Variants in SEC61A2 observed in about 807,000 individuals in gnomAD.
The protein encoded by SEC61A2 is SEC61 translocon subunit alpha 2.
Under a neutral mutation model 59.9 loss-of-function variants are expected in SEC61A2, and 28 were observed. That is an observed-to-expected ratio of 0.47 (90% CI 0.35 to 0.64). The LOEUF is 0.64. Ranked by LOEUF, SEC61A2 falls within the 30% of genes least tolerant of loss-of-function variation. The pLI, the probability that SEC61A2 is intolerant of heterozygous loss-of-function variation, is 0.01. For missense variants in SEC61A2, 340 were observed against 585.9 expected (o/e 0.58, Z 4.33); for synonymous variants, 202 against 214.4 (o/e 0.94, Z 0.50).
chr10:12,144,364 TAAGATGTCCTG>T lies in SEC61A2; in HGVS notation c.220+1170_220+1180del, dbSNP rs1310729013. Among the ~76,000 whole-genome samples, 61 of 152,318 alleles carry T rather than the reference TAAGATGTCCTG, an allele frequency of 4.0e-4. 1 individual carries two copies. The highest frequency in any genetic ancestry group is 1.2e-3 in the African/African-American group (51 of 41,570). ...CTATATACTTCTTATAACTGAAAAG[TAAGATGTCCTG>T]TATATACTATTCTGCTACTTTGTTT... On this transcript the variant is annotated intron_variant, in intron 4 of 11. Coordinates refer to ENST00000298428, the MANE Select transcript of SEC61A2 (RefSeq NM_018144.4).
chr10:12,133,555 C>T (rs927768179), intron 2 of SEC61A2, among the ~76,000 whole-genome samples: 5 of 152,190 alleles, frequency 3.3e-5, no homozygotes, highest in African/African-American at 7.2e-5. Context: ...AGTGTTTCTT[C>T]GGCCTATGTG....
intron 2 of SEC61A2, among the ~76,000 whole-genome samples, chr10:12,134,329 A>G (rs1044754039): frequency 6.1e-5 from 9 of 148,186 alleles, no homozygotes; most frequent in African/African-American, 2.2e-4. Context: ...TTGCTTTGAG[A>G]TTGTAAAAAT....
chr10:12,168,804 C>T (rs1302787728), downstream of SEC61A2, among the ~76,000 whole-genome samples: 1 of 152,040 alleles, frequency 6.6e-6, no homozygotes, highest in Non-Finnish European at 1.5e-5. This position sits in a 1 kb window ranked among gnomAD's most constrained non-coding sequence, Gnocchi z 4.8. Context: ...CACTTTGTCG[C>T]CAGGCTGCAG....
At chr10:12,168,128 G>A (rs1253206202), downstream of SEC61A2, among the ~76,000 whole-genome samples, 5 of 151,924 alleles carry the variant, frequency 3.3e-5, no homozygotes, top group South Asian at 2.1e-4. This position sits in a 1 kb window ranked among gnomAD's most constrained non-coding sequence, Gnocchi z 4.8. Flanking sequence ...GGGTTTAAGC[G>A]ATTCTCCTGC....
At position 12,153,779 on chromosome 10, in the gene SEC61A2, A is replaced by C; in HGVS notation, c.463-1999A>C. 1.2e-6 allele frequency: 2 copies of C among 1,610,660 alleles called. No individual in the cohort carries two copies. The highest frequency in any genetic ancestry group is 1.7e-6 in the Non-Finnish European group (2 of 1,179,180). ...AAATATGTGGATACACTGAAGAGCT[A>C]TGATTGGATCAGTGTGTTTCACCCA... On this transcript the variant is annotated intron_variant, in intron 6 of 11. Transcript: ENST00000298428. This position sits in a 1 kb window ranked among gnomAD's most constrained non-coding sequence, Gnocchi z 5.2.
chr10:12,131,167 C>T (rs1833726290), intron 1 of SEC61A2, among the ~76,000 whole-genome samples: 1 of 152,156 alleles, frequency 6.6e-6, no homozygotes, highest in Non-Finnish European at 1.5e-5. Flanking sequence ...AGCGAAACTC[C>T]GTCTCGAAAT....
At position 12,157,894 on chromosome 10, in the gene SEC61A2, G is replaced by A. The variant is rs77831225; in HGVS notation, c.778-14G>A. ...TGTCTGGCTCCCCCACTTACTCTCC[G>A]TTTCCTTTTTTAGGGATTTCGCGTT... On this transcript the variant is annotated splice_polypyrimidine_tract_variant and intron_variant, in intron 8 of 11. Coordinates refer to ENST00000298428, the MANE Select transcript of SEC61A2 (RefSeq NM_018144.4). 0.028 allele frequency: 45,961 copies of A among 1,613,044 alleles called. 879 individuals are homozygous for A. Among genetic ancestry groups the A allele is most frequent in the Middle Eastern group, 0.031 (190 of 6,060 alleles).
chr10:12,131,605 C>T (rs12569964), intron 1 of SEC61A2, among the ~76,000 whole-genome samples: 60,260 of 149,624 alleles, frequency 0.4, 13,149 homozygotes, highest in South Asian at 0.55. Flanking sequence ...TTTACACAAG[C>T]AAGTACTTTT....
In SEC61A2 at chr10:12,149,791, C is replaced by G; in HGVS notation, c.353-61C>G. The G allele has an allele frequency of 6.2e-7, 1 of 1,606,688 alleles. No individual in the cohort carries two copies. The highest frequency in any genetic ancestry group is 1.1e-5 in the South Asian group (1 of 90,390). ...AGAGTGCTCGTGGTAAAGATGTTTT[C>G]TCTAGTCTTTTCTTGTCTTTGGTGG... On this transcript the variant is annotated intron_variant, in intron 5 of 11. Coordinates refer to ENST00000298428, the MANE Select transcript of SEC61A2 (RefSeq NM_018144.4). This position sits in a 1 kb window ranked among gnomAD's most constrained non-coding sequence, Gnocchi z 5.2.
At position 12,149,518 on chromosome 10, in the gene SEC61A2, T is replaced by C; in HGVS notation, c.221-77T>C. On this transcript the variant is annotated intron_variant, in intron 4 of 11. Coordinates refer to ENST00000298428, the MANE Select transcript of SEC61A2 (RefSeq NM_018144.4). The surrounding 1 kb of genome is among the most constrained non-coding windows in gnomAD (Gnocchi z 5.2). ...TCACGTGTGTTTCAGTTGAGGTAAT[T>C]AGGGAGTGCGACACCTCTAAATCAG... 7.3e-7 allele frequency: 1 copy of C among 1,376,038 alleles called. No individual in the cohort carries two copies. Among genetic ancestry groups the C allele is most frequent in the Non-Finnish European group, 9.8e-7 (1 of 1,015,778 alleles). The allele number at this position is 1,376,038 out of a possible 1,614,324, so 85.2% of individuals were successfully genotyped here.
At chr10:12,168,027 ATTT>A, downstream of SEC61A2, 91 of 615,352 alleles carry the variant, frequency 1.5e-4, no homozygotes, top group South Asian at 2.8e-4. This position sits in a 1 kb window ranked among gnomAD's most constrained non-coding sequence, Gnocchi z 4.8. Context: ...AGGGATAATG[ATTT>A]TTTTTTTTTT....
chr10:12,164,077 CTT>C lies in SEC61A2; in HGVS notation c.1245-189_1245-188del, dbSNP rs971812753. Among the ~76,000 whole-genome samples the C allele has an allele frequency of 1.3e-5, 2 of 152,212 alleles. No homozygotes were observed. The highest frequency in any genetic ancestry group is 2.9e-5 in the Non-Finnish European group (2 of 68,032). ...GGTTCCTGGAAATTAGGGTCAGAGT[CTT>C]TGCCTGGATCAGAGCTCCTGTTCCC... On this transcript the variant is annotated intron_variant, in intron 11 of 11. Coordinates refer to ENST00000298428, the MANE Select transcript of SEC61A2 (RefSeq NM_018144.4). The surrounding 1 kb of genome is among the most constrained non-coding windows in gnomAD (Gnocchi z 7.3).
At position 12,164,310 on chromosome 10, in the gene SEC61A2, C is replaced by T. The variant is rs1427958948; in HGVS notation, c.1287C>T (p.Gly429=). 1.6e-5 allele frequency: 26 copies of T among 1,613,778 alleles called. No individual in the cohort carries two copies. The highest frequency in any genetic ancestry group is 2.0e-5 in the Non-Finnish European group (24 of 1,180,016). The change falls in exon 12 of 12, where the codon GGC becomes GGT. Residue 429 remains glycine, a synonymous_variant. Coordinates refer to ENST00000298428, the MANE Select transcript of SEC61A2 (RefSeq NM_018144.4). The surrounding 1 kb of genome is among the most constrained non-coding windows in gnomAD (Gnocchi z 7.3). The stretch of plus-strand genomic sequence containing the variant: ...CTGCGTTTGGCGGTTTGTGCATTGG[C>T]GCCCTGTCAGTGCTGGCTGACTTCC... ...TAAAFGGLCI[G]ALSVLADFLG...
At chr10:12,133,385 C>G (rs1588628477) in intron 2 of SEC61A2, 77 bp downstream of exon 2, 2 of 717,470 alleles carry the variant, frequency 2.8e-6, no homozygotes, top group Admixed American at 2.4e-5. Flanking sequence ...CATTTCCTTA[C>G]CTCAGTCCTT....
In SEC61A2 at chr10:12,133,225, A is replaced by AT; in HGVS notation, c.8-11dup. On this transcript the variant is annotated splice_polypyrimidine_tract_variant and intron_variant, in intron 1 of 11. Transcript: ENST00000298428. ...CTTCATAATAATAGGAACATTTATT[A>AT]TTTTTCTTTTTACAGTCAAATTTTT... 1 of 1,275,664 alleles carries AT rather than the reference A, an allele frequency of 7.8e-7. No homozygotes were observed. The highest frequency in any genetic ancestry group is 1.1e-6 in the Non-Finnish European group (1 of 889,210). 79.0% of individuals were successfully genotyped at this position (1,275,664 alleles called of 1,614,324 possible). A position where few individuals can be genotyped will look rare whatever the true frequency, so the allele number is the denominator to read the frequency against.
chr10:12,138,075 G>T (rs1261084604), intron 3 of SEC61A2, among the ~76,000 whole-genome samples: 1 of 152,064 alleles, frequency 6.6e-6, no homozygotes, highest in East Asian at 1.9e-4. Context: ...TTTTTGGGGA[G>T]TTCGAAAATC....
rs1289184562 is a variant in SEC61A2, at chr10:12,158,224, C to T, written c.975+119C>T. ...TTGCTGTATTTTCAGATTCACTTAC[C>T]TATATAGCAGAGTTTAGTACTTATC... On this transcript the variant is annotated intron_variant, in intron 9 of 11. Transcript: ENST00000298428. The surrounding 1 kb of genome is among the most constrained non-coding windows in gnomAD (Gnocchi z 5.7). 1 of 805,452 alleles carries T rather than the reference C, an allele frequency of 1.2e-6. No individual in the cohort carries two copies. The highest frequency in any genetic ancestry group is 2.0e-6 in the Non-Finnish European group (1 of 505,782). The allele number at this position is 805,452 out of a possible 1,614,324, so 49.9% of individuals were successfully genotyped here.
intron 3 of SEC61A2, among the ~76,000 whole-genome samples, chr10:12,138,487 A>G (rs1489087601): frequency 6.6e-6 from 1 of 152,206 alleles, no homozygotes; most frequent in Non-Finnish European, 1.5e-5. Context: ...CTCTGTGGAT[A>G]TAGAACACTT....
chr10:12,165,737 C>T (rs1834660681), downstream of SEC61A2: 1 of 152,094 alleles, frequency 6.6e-6, no homozygotes, highest in African/African-American at 2.4e-5. Context: ...GTTTTCATTG[C>T]TGTTTAGTTT....
Sources: gnomAD v4.1 joint callset for allele counts (sites outside exome capture counted in the v4.1 genomes callset) on GRCh38, gnomAD v4.1.1 for gene constraint, Gnocchi (gnomAD v3.1) non-coding constraint, MANE v1.5 for transcripts, NCBI Gene and HGNC (gene_info 2026-07-23, HGNC 2026-07-21) for gene names.